CDH23: variants seen among roughly 807,000 people sequenced by gnomAD.
CDH23 encodes cadherin related 23.
In CDH23, 189 loss-of-function variants were observed where a neutral mutation model predicts 317.1. The ratio of observed to expected loss-of-function variants is 0.60; its 90% CI spans 0.53 to 0.67. The LOEUF (loss-of-function observed/expected upper bound fraction) is 0.67. Ranked by LOEUF, CDH23 falls within the 30% of genes least tolerant of loss-of-function variation. The probability of loss-of-function intolerance (pLI) is 0.00; values close to 1 mark genes in which losing one functional copy is unlikely to be tolerated. For synonymous variants in CDH23, 1,839 were observed against 1,876.8 expected (o/e 0.98, Z 0.52); for missense variants, 4,401 against 4,592.4 (o/e 0.96, Z 1.20).
intron 9 of CDH23, among the ~76,000 whole-genome samples, chr10:71,602,824 A>G (rs572900407): frequency 2.0e-5 from 3 of 152,288 alleles, no homozygotes; most frequent in Admixed American, 6.5e-5. Context: ...TGAACCTCTA[A>G]ACAGCCCTGT....
intron 6 of CDH23, among the ~76,000 whole-genome samples, chr10:71,558,316 T>A (rs78814128): frequency 0.015 from 2,317 of 152,324 alleles, 39 homozygotes; most frequent in Middle Eastern, 0.061. Flanking sequence ...TTTTTTCCTC[T>A]GGAATTCCTA....
At chr10:71,561,871 G>C (rs1416122608) in intron 6 of CDH23, among the ~76,000 whole-genome samples, 1 of 151,778 alleles carries the variant, frequency 6.6e-6, no homozygotes, top group South Asian at 2.1e-4. Flanking sequence ...GGGGAGGAGG[G>C]AAGCAGGGGT....
At chr10:71,576,220 C>T (rs892241240) in intron 8 of CDH23, among the ~76,000 whole-genome samples, 1 of 152,208 alleles carries the variant, frequency 6.6e-6, no homozygotes, top group Admixed American at 6.5e-5. Context: ...CCTGGCCTAG[C>T]CCTGCTCTGC....
intron 34 of CDH23, among the ~76,000 whole-genome samples, chr10:71,734,917 G>T (rs934047303): frequency 6.6e-6 from 1 of 152,242 alleles, no homozygotes; most frequent in African/African-American, 2.4e-5. Flanking sequence ...TAGCAAAGGA[G>T]TCACTGGAAG....
rs181465564 is a variant in CDH23 at position 71,556,278 on chromosome 10, T to A, written c.430-10464T>A. ...GATGAGTGCTTTAAGGCAGGGACTT[T>A]CAGGATCCATTGCAGGGGGCAGAGT... On this transcript the variant is annotated intron_variant, in intron 6 of 69. Transcript: ENST00000224721. Among the ~76,000 whole-genome samples the A allele has an allele frequency of 1.6e-4, 24 of 152,006 alleles. 2 individuals carry two copies. Among genetic ancestry groups the A allele is most frequent in the Admixed American group, 4.6e-4 (7 of 15,274 alleles).
chr10:71,683,535 G>C (rs1589329497), intron 18 of CDH23, among the ~76,000 whole-genome samples: 1 of 152,200 alleles, frequency 6.6e-6, no homozygotes, highest in Non-Finnish European at 1.5e-5. Flanking sequence ...CCATTGTCTG[G>C]GCCAGGGACC....
At chr10:71,664,383 C>A (rs143965999) in intron 14 of CDH23, among the ~76,000 whole-genome samples, 139 of 152,352 alleles carry the variant, frequency 9.1e-4, no homozygotes, top group African/African-American at 3.3e-3. Flanking sequence ...AACAAACAAG[C>A]CGAGGGCCTC....
At position 71,811,431 on chromosome 10, in the gene CDH23, T is replaced by G; in HGVS notation, c.9194T>G (p.Leu3065Arg). 6.2e-7 allele frequency: 1 copy of G among 1,613,990 alleles called. No homozygotes were observed. Among genetic ancestry groups the G allele is most frequent in the Non-Finnish European group, 8.5e-7 (1 of 1,179,890 alleles). The change falls in exon 63 of 70, where the codon CTG (leucine) becomes CGG (arginine). Residue 3065 changes from leucine to arginine, a missense_variant. Coordinates refer to ENST00000224721, the MANE Select transcript of CDH23 (RefSeq NM_022124.6). Reference protein sequence around the residue: ...SVRLPDDMSALQMAIIVLAIL... With the variant: ...SVRLPDDMSARQMAIIVLAIL... ...CGGCTGCCGGATGACATGTCTGCCC[T>G]GCAGGTACCCGGCGACCGTGCCCCA...
At chr10:71,777,449 A>C (rs1314162333) in intron 38 of CDH23, among the ~76,000 whole-genome samples, 1 of 152,178 alleles carries the variant, frequency 6.6e-6, no homozygotes, top group African/African-American at 2.4e-5. Flanking sequence ...TCGCAGACAT[A>C]GGAGTGGTGG....
intron 9 of CDH23, among the ~76,000 whole-genome samples, chr10:71,579,470 T>TGTCA (rs1374352235): frequency 1.3e-5 from 2 of 152,086 alleles, no homozygotes; most frequent in African/African-American, 4.8e-5. Flanking sequence ...AATGAATGAA[T>TGTCA]GTCACTCTAG....
intron 14 of CDH23, among the ~76,000 whole-genome samples, chr10:71,674,299 A>G (rs1454237982): frequency 6.6e-6 from 1 of 152,262 alleles, no homozygotes; most frequent in Non-Finnish European, 1.5e-5. Context: ...ACTAGATTTA[A>G]TAGACTCCAG....
intron 6 of CDH23, among the ~76,000 whole-genome samples, chr10:71,548,951 A>T (rs1329487123): frequency 6.6e-6 from 1 of 152,260 alleles, no homozygotes; most frequent in African/African-American, 2.4e-5. Flanking sequence ...GAGACAGTAA[A>T]TAATTGTTCC....
rs187305209 is a variant in CDH23, at chr10:71,742,118, G to T, written c.4845+197G>T. 2.7e-4 allele frequency: 161 copies of T among 595,556 alleles called. No individual in the cohort carries two copies. The East Asian group carries it at 4.4e-3, about 16-fold the overall frequency. 36.9% of individuals were successfully genotyped at this position (595,556 alleles called of 1,614,324 possible). ...GAGGCCTGTTGCGTGCAAAGCTGGG[G>T]TGCTAGTTTGGCCTCCCGAGTCTAT... On this transcript the variant is annotated intron_variant, in intron 38 of 69. Coordinates refer to ENST00000224721, the MANE Select transcript of CDH23 (RefSeq NM_022124.6).
At chr10:71,574,884 A>G (rs1259164473) in intron 8 of CDH23, among the ~76,000 whole-genome samples, 2 of 151,978 alleles carry the variant, frequency 1.3e-5, no homozygotes, top group Non-Finnish European at 2.9e-5. Context: ...TCCTCCAGAG[A>G]GCAAAGGGGT....
chr10:71,468,770 G>A (rs754915164), intron 3 of CDH23, among the ~76,000 whole-genome samples: 134 of 152,112 alleles, frequency 8.8e-4, no homozygotes, highest in Non-Finnish European at 1.6e-3. Context: ...TAGTAAACAC[G>A]CTCCCCTGCA....
chr10:71,775,779 T>C (rs1840803977), intron 38 of CDH23, among the ~76,000 whole-genome samples: 1 of 152,182 alleles, frequency 6.6e-6, no homozygotes, highest in Non-Finnish European at 1.5e-5. Context: ...TTGTGCTTGT[T>C]TTCATTAAAA....
intron 11 of CDH23, among the ~76,000 whole-genome samples, chr10:71,642,697 G>A (rs1272211335): frequency 2.0e-5 from 3 of 151,644 alleles, no homozygotes; most frequent in African/African-American, 7.3e-5. Flanking sequence ...ACCGCACCCG[G>A]CCTGGGCCCG....
chr10:71,725,744 A>G (rs1337624438), intron 30 of CDH23, among the ~76,000 whole-genome samples: 1 of 152,224 alleles, frequency 6.6e-6, no homozygotes, highest in African/African-American at 2.4e-5. Flanking sequence ...GGAGTCAGTG[A>G]TACTGATGTC....
At chr10:71,625,139 G>A (rs1861653081) in intron 11 of CDH23, among the ~76,000 whole-genome samples, 2 of 151,864 alleles carry the variant, frequency 1.3e-5, no homozygotes, top group Admixed American at 6.6e-5. Flanking sequence ...GGCATGAGAC[G>A]CACCCCCACT....
Sources: gnomAD v4.1 joint callset for allele counts (sites outside exome capture counted in the v4.1 genomes callset) on GRCh38, gnomAD v4.1.1 for gene constraint, MANE v1.5 for transcripts, NCBI Gene and HGNC (gene_info 2026-07-23, HGNC 2026-07-21) for gene names.